NBEA: variants seen among roughly 807,000 people sequenced by gnomAD.
NBEA encodes lysosomal-trafficking regulator 2.
Under a neutral mutation model 343.4 loss-of-function variants are expected in NBEA, and 44 were observed. The ratio of observed to expected loss-of-function variants is 0.13; its 90% confidence interval spans 0.10 to 0.16. The LOEUF (loss-of-function observed/expected upper bound fraction) is 0.16. NBEA is among the 10% of genes least tolerant of loss of function. The pLI is 1.00. For missense variants in NBEA, 2,555 were observed against 3,631.3 expected (o/e 0.70, Z 7.62); for synonymous variants, 1,175 against 1,238.7 (o/e 0.95, Z 1.08).
intron 46 of NBEA, among the ~76,000 whole-genome samples, chr13:35,584,791 C>T (rs994171441): frequency 2.6e-5 from 4 of 152,148 alleles, no homozygotes; most frequent in East Asian, 1.9e-4. Context: ...TGAGCCACCA[C>T]GCCCGGCCCA....
At chr13:35,079,897 T>C (rs548120681) in intron 10 of NBEA, among the ~76,000 whole-genome samples, 1 of 152,290 alleles carries the variant, frequency 6.6e-6, no homozygotes, top group African/African-American at 2.4e-5. Context: ...ATGGTGGTTT[T>C]ATACTTTTTC....
chr13:35,319,934 T>C (rs748412795), intron 36 of NBEA, among the ~76,000 whole-genome samples: 5 of 152,170 alleles, frequency 3.3e-5, no homozygotes, highest in Non-Finnish European at 7.3e-5. Context: ...TTTTTTGCTT[T>C]CCATTTGCTT....
intron 36 of NBEA, among the ~76,000 whole-genome samples, chr13:35,331,824 G>A (rs1047504243): frequency 6.6e-6 from 1 of 151,910 alleles, no homozygotes; most frequent in Admixed American, 6.6e-5. Context: ...GTTTCCTATG[G>A]AAAATAACCT....
chr13:35,315,295 A>T (rs941288860), intron 36 of NBEA, among the ~76,000 whole-genome samples: 1 of 152,182 alleles, frequency 6.6e-6, no homozygotes, highest in Admixed American at 6.5e-5. Context: ...GTCTACAATT[A>T]ACAGGACAAA....
intron 40 of NBEA, among the ~76,000 whole-genome samples, chr13:35,462,091 TC>T (rs1346264221): frequency 6.6e-6 from 1 of 152,182 alleles, no homozygotes; most frequent in African/African-American, 2.4e-5. Flanking sequence ...GGACCCTTAT[TC>T]TCTGATGCTA....
chr13:35,323,227 G>T (rs1385297997), intron 36 of NBEA, among the ~76,000 whole-genome samples: 2 of 152,058 alleles, frequency 1.3e-5, no homozygotes, highest in African/African-American at 2.4e-5. Context: ...TATACCCAAA[G>T]GACTATAAAT....
At chr13:35,463,989 G>A (rs2047042178) in intron 40 of NBEA, among the ~76,000 whole-genome samples, 1 of 152,068 alleles carries the variant, frequency 6.6e-6, no homozygotes, top group Non-Finnish European at 1.5e-5. Context: ...GAGACAGTTA[G>A]GGATAAATGC....
At chr13:35,581,396 G>GT (rs1281490957) in intron 45 of NBEA, among the ~76,000 whole-genome samples, 4 of 151,888 alleles carry the variant, frequency 2.6e-5, no homozygotes, top group Non-Finnish European at 4.4e-5. Flanking sequence ...TTTTTCATGT[G>GT]TTTTTTGGCT....
At chr13:35,347,639 T>C (rs1369671210) in intron 36 of NBEA, among the ~76,000 whole-genome samples, 2 of 152,024 alleles carry the variant, frequency 1.3e-5, no homozygotes, top group African/African-American at 4.8e-5. Flanking sequence ...CAAAATGATA[T>C]TAGTTATTAT....
At chr13:35,244,642 TC>T (rs1301024489) in intron 34 of NBEA, among the ~76,000 whole-genome samples, 2 of 152,090 alleles carry the variant, frequency 1.3e-5, no homozygotes, top group African/African-American at 4.8e-5. Context: ...TTTTTCTAGT[TC>T]CGTGAAGAAT....
chr13:35,392,851 G>A (rs1266160330), intron 38 of NBEA, among the ~76,000 whole-genome samples: 1 of 152,190 alleles, frequency 6.6e-6, no homozygotes, highest in Non-Finnish European at 1.5e-5. Context: ...GTTTTGAGGT[G>A]CAGAAGTTAA....
chr13:35,168,070 G>A (rs1164934004), intron 24 of NBEA, among the ~76,000 whole-genome samples: 1 of 151,678 alleles, frequency 6.6e-6, no homozygotes, highest in Non-Finnish European at 1.5e-5. Flanking sequence ...TTTATTATCA[G>A]AATGTATCAT....
intron 8 of NBEA, among the ~76,000 whole-genome samples, chr13:35,064,119 G>A (rs2063561931): frequency 6.6e-6 from 1 of 152,040 alleles, no homozygotes; most frequent in African/African-American, 2.4e-5. Context: ...GAGTTCAGAG[G>A]CGACATACAG....
intron 45 of NBEA, among the ~76,000 whole-genome samples, chr13:35,578,445 A>T (rs1033419086): frequency 6.6e-6 from 1 of 152,146 alleles, no homozygotes; most frequent in African/African-American, 2.4e-5. Flanking sequence ...TCACTTGAGG[A>T]CAGGAGTTCG....
intron 33 of NBEA, among the ~76,000 whole-genome samples, chr13:35,215,668 G>A (rs1227615592): frequency 9.2e-5 from 14 of 151,562 alleles, no homozygotes; most frequent in African/African-American, 2.9e-4. Flanking sequence ...GTGGTAAGTT[G>A]TTTAGAACTT....
At chr13:35,162,698 C>G (rs1270602266) in intron 23 of NBEA, among the ~76,000 whole-genome samples, 1 of 151,974 alleles carries the variant, frequency 6.6e-6, no homozygotes, top group Non-Finnish European at 1.5e-5. Flanking sequence ...CTTTCAAAAT[C>G]AATCATCAGA....
rs989075500 is a variant in NBEA at position 35,415,261 on chromosome 13, G to T, written c.6180-17008G>T. Among the ~76,000 whole-genome samples, 42 of 152,136 alleles carry T rather than the reference G, an allele frequency of 2.8e-4. No homozygotes were observed. In the South Asian group the frequency reaches 8.3e-3, roughly 30 times the overall value. ...AATTAGATCCCATTTGTCAATTTTGGCTTTTGTTGCCATTGCTTTTGGTGT... is the reference window on the plus strand; with the variant it reads ...AATTAGATCCCATTTGTCAATTTTGTCTTTTGTTGCCATTGCTTTTGGTGT... On this transcript the variant is annotated intron_variant, in intron 38 of 58. Coordinates refer to ENST00000379939, the MANE Select transcript of NBEA (RefSeq NM_001385012.1).
At chr13:35,107,506 C>T (rs1340919547) in intron 11 of NBEA, among the ~76,000 whole-genome samples, 3 of 152,060 alleles carry the variant, frequency 2.0e-5, no homozygotes, top group Admixed American at 2.0e-4. Flanking sequence ...CTTAGTAAAA[C>T]CTGTTAACCA....
At position 35,117,399 on chromosome 13, in the gene NBEA, T is replaced by TC; in HGVS notation, c.2003-14dup. 1 of 1,278,292 alleles carries TC rather than the reference T, an allele frequency of 7.8e-7. No individual in the cohort carries two copies. The highest frequency in any genetic ancestry group is 1.0e-6 in the Non-Finnish European group (1 of 994,062). The allele number at this position is 1,278,292 out of a possible 1,614,324, so 79.2% of individuals were successfully genotyped here. A position where few individuals can be genotyped will look rare whatever the true frequency, so the allele number is the denominator to read the frequency against. On this transcript the variant is annotated splice_polypyrimidine_tract_variant and intron_variant, in intron 13 of 58. Coordinates refer to ENST00000379939, the MANE Select transcript of NBEA (RefSeq NM_001385012.1). The stretch of plus-strand genomic sequence containing the variant: ...TTGTATTTTTTATTTTACTTTTTTT[T>TC]CTGTTTTGTTCTAGATGGTCCCCGG...
Sources: allele counts gnomAD v4.1 joint callset (sites outside exome capture counted in the v4.1 genomes callset), GRCh38; gene constraint gnomAD v4.1.1; transcripts MANE v1.5; gene names NCBI Gene and HGNC (gene_info 2026-07-23, HGNC 2026-07-21).